GTF3A: variants seen among roughly 807,000 people sequenced by gnomAD.
GTF3A encodes the protein general transcription factor IIIA, also known as transcription factor IIIA.
In GTF3A, 40 loss-of-function variants were observed where a neutral mutation model predicts 37.6. The observed-to-expected ratio is 1.06, with a 90% confidence interval of 0.83 to 1.38. The LOEUF (loss-of-function observed/expected upper bound fraction) is 1.38, where lower values mean the gene tolerates loss of function less well. GTF3A is among the 40% of genes most tolerant of loss of function. The pLI is 0.00. For synonymous variants in GTF3A, 191 were observed against 166.7 expected (o/e 1.15, Z -1.12); for missense variants, 500 against 462.6 (o/e 1.08, Z -0.74).
intron 4 of GTF3A, among the ~76,000 whole-genome samples, chr13:27,432,351 C>T (rs551162284): frequency 2.6e-5 from 4 of 152,188 alleles, no homozygotes; most frequent in African/African-American, 9.7e-5. Flanking sequence ...GTCTCGCACA[C>T]CCCCTATGCA....
chr13:27,429,289 TTTC>T (rs1342677147), intron 2 of GTF3A: 2 of 137,556 alleles, frequency 1.5e-5, no homozygotes, highest in African/African-American at 5.2e-5. Context: ...AGGCACAAAT[TTTC>T]TTTTGGGAAA....
At chr13:27,429,050 A>T (rs1298542572) in intron 2 of GTF3A, among the ~76,000 whole-genome samples, 1 of 152,020 alleles carries the variant, frequency 6.6e-6, no homozygotes, top group Admixed American at 6.6e-5. Flanking sequence ...AACACTCAGC[A>T]TTCTGTCCCT....
intron 5 of GTF3A, among the ~76,000 whole-genome samples, 156 bp downstream of exon 5, chr13:27,432,960 GTA>G (rs1953670860): frequency 6.6e-6 from 1 of 152,186 alleles, no homozygotes; most frequent in African/African-American, 2.4e-5. Context: ...AAGAGGCACT[GTA>G]TATGTCTGTT....
intron 1 of GTF3A, 31 bp from the exon 2 acceptor site, chr13:27,427,061 A>C (rs762625879): frequency 1.8e-6 from 2 of 1,106,826 alleles, no homozygotes; most frequent in African/African-American, 1.5e-5. Flanking sequence ...ACTAGTGCAG[A>C]AGTGACATGC....
At chr13:27,430,127 A>G (rs1164461200) in intron 3 of GTF3A, among the ~76,000 whole-genome samples, 161 bp downstream of exon 3, 2 of 96,720 alleles carry the variant, frequency 2.1e-5, no homozygotes, top group Non-Finnish European at 2.8e-5. Context: ...GCTGTCTCTG[A>G]AAAAAAAAAA....
chr13:27,430,966 CT>C (rs1202499524), intron 4 of GTF3A, among the ~76,000 whole-genome samples: 1 of 152,106 alleles, frequency 6.6e-6, no homozygotes, highest in Non-Finnish European at 1.5e-5. Context: ...GTTGCATTTG[CT>C]TTCAGGGCCT....
chr13:27,431,887 C>T (rs551712200), intron 4 of GTF3A, among the ~76,000 whole-genome samples: 266 of 152,128 alleles, frequency 1.7e-3, no homozygotes, highest in Non-Finnish European at 3.4e-3. Flanking sequence ...TAAAGGTTTA[C>T]TTTGCTCTGA....
Position 27,434,551 on chromosome 13 carries a change from A to G in GTF3A, c.644-254A>G, listed in dbSNP as rs1168087943. On this transcript the variant is annotated intron_variant, in intron 6 of 8. Coordinates refer to ENST00000381140, the MANE Select transcript of GTF3A (RefSeq NM_002097.3). ...GACACTGGTCTGCTTCATTTTCTGT[A>G]CCTCCCCACAGTCACCTTCCTGAGA... 5.4e-6 allele frequency: 3 copies of G among 558,808 alleles called. No individual in the cohort carries two copies. In the African/African-American group the frequency reaches 5.7e-5, roughly 11 times the overall value. The allele number at this position is 558,808 out of a possible 1,614,324, so 34.6% of individuals were successfully genotyped here.
Position 27,435,468 on chromosome 13 carries a change from T to A in GTF3A, c.969T>A (p.Ser323=). 6.2e-7 allele frequency: 1 copy of A among 1,613,368 alleles called. No homozygotes were observed. Among genetic ancestry groups the A allele is most frequent in the Non-Finnish European group, 8.5e-7 (1 of 1,179,584 alleles). Residue 323 remains serine (S), a synonymous_variant, in exon 9 of 9, where the codon TCT becomes TCA. Coordinates refer to ENST00000381140, the MANE Select transcript of GTF3A (RefSeq NM_002097.3). ...CTCGTGAAAAACGGAGTTTGGCCTC[T>A]CATCTCAGTGGATATATCCCTCCCA...
rs981237622 is a variant in GTF3A at position 27,424,723 on chromosome 13, G to C, written c.-15G>C. On this transcript the variant is annotated 5_prime_UTR_variant, in exon 1 of 9. Coordinates refer to ENST00000381140, the MANE Select transcript of GTF3A (RefSeq NM_002097.3). The stretch of plus-strand genomic sequence containing the variant: ...TGGCAGCGCGCCTGGCCCTGGGCTT[G>C]GAGGCGCCGGCGCCCTGGATCCGCC... 3 of 1,432,654 alleles carry C rather than the reference G, an allele frequency of 2.1e-6. No individual in the cohort carries two copies. The highest frequency in any genetic ancestry group is 3.0e-5 in the African/African-American group (2 of 67,022). 88.7% of individuals were successfully genotyped at this position (1,432,654 alleles called of 1,614,324 possible). A position where few individuals can be genotyped will look rare whatever the true frequency, so the allele number is the denominator to read the frequency against.
At chr13:27,424,996 G>A in intron 1 of GTF3A, 58 bp downstream of exon 1, 1 of 1,335,132 alleles carries the variant, frequency 7.5e-7, no homozygotes, top group Non-Finnish European at 1.0e-6. Context: ...CCCCGGGGTA[G>A]CCACTGCAGT....
chr13:27,427,532 G>T (rs1245830716), intron 2 of GTF3A, among the ~76,000 whole-genome samples: 1 of 152,090 alleles, frequency 6.6e-6, no homozygotes, highest in Non-Finnish European at 1.5e-5. Context: ...TCAACACAAT[G>T]GGATACCCTA....
rs1481446189 is a variant in GTF3A, at chr13:27,434,991, T to G, written c.830T>G (p.Phe277Cys). The G allele has an allele frequency of 6.2e-7, 1 of 1,611,928 alleles. No homozygotes were observed. ...TCCTTCCATGAGGAAAGCCGCCCTT[T>G]TGTGTGTGAACATGCTGGCTGTGGC... Residue 277 changes from phenylalanine to cysteine, a missense_variant, in exon 7 of 9, where the codon TTT becomes TGT. Transcript: ENST00000381140.
At chr13:27,425,062 C>G (rs1396605677) in intron 1 of GTF3A, 124 bp downstream of exon 1, 1 of 642,218 alleles carries the variant, frequency 1.6e-6, no homozygotes, top group Non-Finnish European at 2.6e-6. Context: ...ACATCCAGGA[C>G]TTGGGGAAGG....
At position 27,424,622 on chromosome 13, in the gene GTF3A, T is replaced by C. The variant is rs1747498570; in HGVS notation, c.-116T>C. ...TGGTGACCGCGCGCGCTCCCGGAAG[T>C]GTGCCGGCGTCGCGCGAAGGTTCAG... On this transcript the variant is annotated 5_prime_UTR_variant, in exon 1 of 9. Coordinates refer to ENST00000381140, the MANE Select transcript of GTF3A (RefSeq NM_002097.3). 4.7e-6 allele frequency: 3 copies of C among 637,804 alleles called. No homozygotes were observed. The highest frequency in any genetic ancestry group is 6.7e-6 in the Non-Finnish European group (3 of 445,924). 39.5% of individuals were successfully genotyped at this position (637,804 alleles called of 1,614,324 possible). A position where few individuals can be genotyped will look rare whatever the true frequency, so the allele number is the denominator to read the frequency against.
chr13:27,425,168 G>C, intron 1 of GTF3A: 2 of 483,998 alleles, frequency 4.1e-6, no homozygotes, highest in Admixed American at 4.1e-5. Context: ...CATTGATCGT[G>C]AGTCTCGGCC....
At chr13:27,431,862 A>G (rs923488950) in intron 4 of GTF3A, among the ~76,000 whole-genome samples, 2 of 152,226 alleles carry the variant, frequency 1.3e-5, no homozygotes, top group African/African-American at 4.8e-5. Flanking sequence ...GCACATTTAT[A>G]TATTGGGAGC....
intron 2 of GTF3A, chr13:27,429,072 G>A (rs1333238057): frequency 6.6e-6 from 1 of 151,866 alleles, no homozygotes; most frequent in Non-Finnish European, 1.5e-5. Context: ...CAGTTAGGGG[G>A]GCTTCTAGGG....
At position 27,424,928 on chromosome 13, in the gene GTF3A, A is replaced by G; in HGVS notation, c.191A>G (p.His64Arg). ...AAGCTTGACGCGCACCTGTGCAAGC[A>G]CACGGGGGAGGTGAGGGGGGCGAGG... The change falls in exon 1 of 9, where the codon CAC becomes CGC. Residue 64 changes from histidine (H) to arginine (R), a missense_variant. Coordinates refer to ENST00000381140, the MANE Select transcript of GTF3A (RefSeq NM_002097.3). 1.3e-6 allele frequency: 2 copies of G among 1,546,028 alleles called. No homozygotes were observed. Among genetic ancestry groups the G allele is most frequent in the Non-Finnish European group, 1.7e-6 (2 of 1,144,726 alleles).
Sources: gnomAD v4.1 joint callset for allele counts (sites outside exome capture counted in the v4.1 genomes callset) on GRCh38, gnomAD v4.1.1 for gene constraint, MANE v1.5 for transcripts, NCBI Gene and HGNC (gene_info 2026-07-23, HGNC 2026-07-21) for gene names.